Variants in NDOR1 observed in about 807,000 individuals in gnomAD.
The protein encoded by NDOR1 is NADPH dependent diflavin oxidoreductase 1.
In NDOR1, 61 loss-of-function variants were observed where a neutral mutation model predicts 67.2. The observed-to-expected ratio is 0.91, with a 90% CI of 0.74 to 1.12. The LOEUF (loss-of-function observed/expected upper bound fraction) is 1.12, where lower values mean the gene tolerates loss of function less well. Among genes scored for constraint, NDOR1 ranks in the 50% most tolerant of loss-of-function variants. The probability of loss-of-function intolerance (pLI) is 0.00; values close to 1 mark genes in which losing one functional copy is unlikely to be tolerated. For synonymous variants in NDOR1, 378 were observed against 343.7 expected, an observed-to-expected ratio of 1.10 and a Z score of -1.10; for missense variants, 878 against 802.8, an observed-to-expected ratio of 1.09 and a Z score of -1.13.
Position 137,218,861 on chromosome 9 carries a change from T to A in NDOR1, c.*2445T>A. On this transcript the variant is annotated 3_prime_UTR_variant, in exon 14 of 14. Coordinates refer to ENST00000684003, the MANE Select transcript of NDOR1 (RefSeq NM_014434.4). ...AAGGACACCAGCGCCCAAGGACAGC[T>A]CCTGGAGGAGGCCAGCCCAGCAGGA... 2.6e-6 allele frequency: 1 copy of A among 383,352 alleles called. No homozygotes were observed. Among genetic ancestry groups the A allele is most frequent in the Non-Finnish European group, 4.6e-6 (1 of 216,844 alleles). The allele number at this position is 383,352 out of a possible 1,614,324, so 23.7% of individuals were successfully genotyped here.
chr9:137,209,364 G>A (rs113297303), intron 2 of NDOR1, among the ~76,000 whole-genome samples: 239 of 152,292 alleles, frequency 1.6e-3, no homozygotes, highest in African/African-American at 4.7e-3. Context: ...GAGGGGAATG[G>A]TGGGATAGGG....
At chr9:137,215,343 C>G in intron 9 of NDOR1, 64 bp from the exon 10 acceptor site, 1 of 1,571,778 alleles carries the variant, frequency 6.4e-7, no homozygotes, top group South Asian at 1.1e-5. Flanking sequence ...TAGGTGGGGC[C>G]CACGGCCCAG....
chr9:137,212,673 C>A lies in NDOR1; in HGVS notation c.311+74C>A. On this transcript the variant is annotated intron_variant, in intron 3 of 13. Coordinates refer to ENST00000684003, the MANE Select transcript of NDOR1 (RefSeq NM_014434.4). The surrounding 1 kb of genome is among the most constrained non-coding windows in gnomAD (Gnocchi z 4.3). ...AGCAACAGGTGTGCTGGCAGAGGAC[C>A]GAGACCAGCTTCCAGGGTCGGCCCC... 2.9e-6 allele frequency: 4 copies of A among 1,396,964 alleles called. No homozygotes were observed. The South Asian group carries it at 4.6e-5, about 16-fold the overall frequency. 86.5% of individuals were successfully genotyped at this position (1,396,964 alleles called of 1,614,324 possible).
At chr9:137,209,204 G>A (rs557200632) in intron 2 of NDOR1, among the ~76,000 whole-genome samples, 1 of 152,248 alleles carries the variant, frequency 6.6e-6, no homozygotes, top group African/African-American at 2.4e-5. Flanking sequence ...TTTAATTGCT[G>A]GCAGGGGAGA....
rs1044681381 is a variant in NDOR1, at chr9:137,214,916, C to T, written c.963C>T (p.Ser321=). 26 of 1,613,118 alleles carry T rather than the reference C, an allele frequency of 1.6e-5. No homozygotes were observed. The highest frequency in any genetic ancestry group is 8.0e-5 in the African/African-American group (6 of 75,064). Residue 321 remains serine, a synonymous_variant, in exon 8 of 14, where the codon TCC becomes TCT. Coordinates refer to ENST00000684003, the MANE Select transcript of NDOR1 (RefSeq NM_014434.4). The part of the protein sequence containing the change: ...RSFFELLACL[S]LHELEREKLL... ...TCTTCGAACTCCTGGCCTGTCTATC[C>T]CTCCATGAGCTGGAGCGGGAGAAGC... is the stretch of plus-strand genomic sequence containing the variant.
At chr9:137,206,784 T>A (rs1382802010) in intron 2 of NDOR1, among the ~76,000 whole-genome samples, 1 of 152,038 alleles carries the variant, frequency 6.6e-6, no homozygotes, top group Non-Finnish European at 1.5e-5. Flanking sequence ...CTGGGGAAAG[T>A]AGCATATGTC....
intron 4 of NDOR1, 39 bp from the exon 5 acceptor site, chr9:137,213,928 G>T (rs9723246): frequency 6.3e-7 from 1 of 1,584,278 alleles, no homozygotes; most frequent in Non-Finnish European, 8.6e-7. Context: ...CTGGCCACAC[G>T]CAGGGTCCGC....
chr9:137,215,327 G>A (rs1046741965), intron 9 of NDOR1, 80 bp from the exon 10 acceptor site: 30 of 1,549,514 alleles, frequency 1.9e-5, no homozygotes, highest in East Asian at 2.3e-5. Flanking sequence ...CTGCCTCTGC[G>A]GGAGGTAGGT....
chr9:137,211,139 T>A (rs928791932), intron 2 of NDOR1, among the ~76,000 whole-genome samples: 1 of 152,002 alleles, frequency 6.6e-6, no homozygotes, highest in Non-Finnish European at 1.5e-5. Context: ...AGACTCCATC[T>A]CAAAAAAAGA....
chr9:137,213,681 C>G, intron 3 of NDOR1, 99 bp from the exon 4 acceptor site: 2 of 1,216,360 alleles, frequency 1.6e-6, no homozygotes, highest in Non-Finnish European at 2.3e-6. Context: ...TCCCCAGGCT[C>G]CACTCTTCGC....
At chr9:137,210,204 A>G (rs1002105422) in intron 2 of NDOR1, among the ~76,000 whole-genome samples, 4 of 152,100 alleles carry the variant, frequency 2.6e-5, no homozygotes, top group African/African-American at 9.7e-5. Flanking sequence ...AACAGGAAAC[A>G]GTTTTTTCTC....
chr9:137,217,289 A>G lies in NDOR1; in HGVS notation c.*873A>G, dbSNP rs1464117209. Among the ~76,000 whole-genome samples, 5 of 152,292 alleles carry G rather than the reference A, an allele frequency of 3.3e-5. No homozygotes were observed. In the East Asian group the frequency reaches 9.7e-4, roughly 29 times the overall value. Reference sequence around the variant, plus strand: ...CCCTGACTGCCTCGTTCTTAAGGGCATAGTGGGTCGGCTAAGATCTGATCG... The same window carrying G: ...CCCTGACTGCCTCGTTCTTAAGGGCGTAGTGGGTCGGCTAAGATCTGATCG... On this transcript the variant is annotated 3_prime_UTR_variant, in exon 14 of 14. Transcript: ENST00000684003.
chr9:137,211,936 A>T lies in NDOR1; in HGVS notation c.214-566A>T, dbSNP rs546691326. On this transcript the variant is annotated intron_variant, in intron 2 of 13. Coordinates refer to ENST00000684003, the MANE Select transcript of NDOR1 (RefSeq NM_014434.4). ...GGAAGGCACGGTGTGGAACCAGAGG[A>T]TCTGGACCCTGTTGGCTCGAGGTCC... Among the ~76,000 whole-genome samples, 3 of 152,116 alleles carry T rather than the reference A, an allele frequency of 2.0e-5. No homozygotes were observed. The South Asian group carries it at 6.2e-4, about 32-fold the overall frequency.
Position 137,216,695 on chromosome 9 carries a change from T to G in NDOR1, c.*279T>G. ...CCCACCCCCTTCCCAGTCAAGGTGGTGGCCTGGGCCGCTCCACCTCACCGG... is the reference window on the plus strand; with the variant it reads ...CCCACCCCCTTCCCAGTCAAGGTGGGGGCCTGGGCCGCTCCACCTCACCGG... On this transcript the variant is annotated 3_prime_UTR_variant, in exon 14 of 14. Coordinates refer to ENST00000684003, the MANE Select transcript of NDOR1 (RefSeq NM_014434.4). 1 of 495,472 alleles carries G rather than the reference T, an allele frequency of 2.0e-6. No homozygotes were observed. The highest frequency in any genetic ancestry group is 1.9e-5 in the African/African-American group (1 of 51,622). 30.7% of individuals were successfully genotyped at this position (495,472 alleles called of 1,614,324 possible).
intron 1 of NDOR1, 31 bp downstream of exon 1, chr9:137,205,943 G>C (rs758759586): frequency 2.6e-6 from 4 of 1,558,824 alleles, no homozygotes; most frequent in Non-Finnish European, 3.5e-6. Context: ...CGGCGTGGGG[G>C]ACGAGCAGGC....
intron 3 of NDOR1, 91 bp from the exon 4 acceptor site, chr9:137,213,689 C>T (rs898951096): frequency 9.2e-5 from 119 of 1,296,732 alleles, no homozygotes; most frequent in Non-Finnish European, 1.2e-4. Flanking sequence ...CTCCACTCTT[C>T]GCCCGGGCTC....
chr9:137,205,761 C>G lies in NDOR1; in HGVS notation c.-17C>G. The G allele has an allele frequency of 1.9e-6, 3 of 1,602,178 alleles. No homozygotes were observed. Among genetic ancestry groups the G allele is most frequent in the Non-Finnish European group, 2.5e-6 (3 of 1,179,602 alleles). The stretch of plus-strand genomic sequence containing the variant: ...TTCTAGTTTTTAGTCTCAGACCAGA[C>G]CACCGGGCGCACCCCGATGCCGAGC... On this transcript the variant is annotated 5_prime_UTR_variant, in exon 1 of 14. Coordinates refer to ENST00000684003, the MANE Select transcript of NDOR1 (RefSeq NM_014434.4).
chr9:137,206,121 A>G lies in NDOR1; in HGVS notation c.136-111A>G. 15 of 1,490,702 alleles carry G rather than the reference A, an allele frequency of 1.0e-5. 2 individuals are homozygous for G. In the South Asian group the frequency reaches 1.7e-4, roughly 17 times the overall value. The allele number at this position is 1,490,702 out of a possible 1,614,324, so 92.3% of individuals were successfully genotyped here. On this transcript the variant is annotated intron_variant, in intron 1 of 13. Coordinates refer to ENST00000684003, the MANE Select transcript of NDOR1 (RefSeq NM_014434.4). ...AAGAGAAGACGGTCTGGCTGCTCACATAAATCCCTCTGCCCTGTCAGCCTG... is the reference window on the plus strand; with the variant it reads ...AAGAGAAGACGGTCTGGCTGCTCACGTAAATCCCTCTGCCCTGTCAGCCTG...
chr9:137,216,772 A>G lies in NDOR1; in HGVS notation c.*356A>G, dbSNP rs932029013. ...GCCCAGTGAGCACCAGGGGTGGCAT[A>G]GGGCACCCATGAGGCTGCGCTGCAC... On this transcript the variant is annotated 3_prime_UTR_variant, in exon 14 of 14. Transcript: ENST00000684003. 1.7e-4 allele frequency: 55 copies of G among 328,628 alleles called. No individual in the cohort carries two copies. The highest frequency in any genetic ancestry group is 1.0e-3 in the African/African-American group (47 of 46,908). The allele number at this position is 328,628 out of a possible 1,614,324, so 20.4% of individuals were successfully genotyped here. A position where few individuals can be genotyped will look rare whatever the true frequency, so the allele number is the denominator to read the frequency against.
Sources: allele counts gnomAD v4.1 joint callset (sites outside exome capture counted in the v4.1 genomes callset), GRCh38; gene constraint gnomAD v4.1.1; non-coding constraint Gnocchi (gnomAD v3.1); transcripts MANE v1.5; gene names NCBI Gene and HGNC (gene_info 2026-07-23, HGNC 2026-07-21).